Variants in BTK observed in about 807,000 individuals in gnomAD.
The protein encoded by BTK is Bruton tyrosine kinase, also known as tyrosine-protein kinase BTK.
In BTK, 5 loss-of-function variants were observed where a neutral mutation model predicts 57.4. The observed-to-expected ratio is 0.09, with a 90% CI of 0.05 to 0.18. The LOEUF (loss-of-function observed/expected upper bound fraction) is 0.18, where lower values mean the gene tolerates loss of function less well. Among genes scored for constraint, BTK ranks in the 10% least tolerant of loss-of-function variants. BTK has a pLI of 1.00. For missense variants in BTK, 194 were observed against 501.2 expected (o/e 0.39, Z 5.85); for synonymous variants, 154 against 174.3 (o/e 0.88, Z 0.92).
intron 16 of BTK, 68 bp from the exon 17 acceptor site, chrX:101,354,056 A>G (rs782079305): frequency 2.9e-5 from 24 of 827,377 alleles, no homozygotes; most frequent in Non-Finnish European, 4.2e-5. Flanking sequence ...TTTTCTTGGC[A>G]CGGTCACAAG....
At chrX:101,374,700 ATTTTGT>A in intron 2 of BTK, 66 bp from the exon 3 acceptor site, 2 of 956,775 alleles carry the variant, frequency 2.1e-6, no homozygotes, top group Non-Finnish European at 3.0e-6. Context: ...AGATGATTAG[ATTTTGT>A]TATCTAATCA....
intron 5 of BTK, among the ~76,000 whole-genome samples, chrX:101,363,695 G>C (rs1329769242): frequency 9.7e-6 from 1 of 102,854 alleles, no homozygotes; most frequent in Non-Finnish European, 2.0e-5. Context: ...GACAGTGTGA[G>C]ACTCTGTCTC....
chrX:101,355,991 T>A, intron 15 of BTK, 61 bp downstream of exon 15: 1 of 1,097,209 alleles, frequency 9.1e-7, no homozygotes. Context: ...ATGATATATC[T>A]TCCACTGCTA....
At chrX:101,355,636 T>A in intron 15 of BTK, 1 of 153,616 alleles carries the variant, frequency 6.5e-6, no homozygotes, top group Non-Finnish European at 1.3e-5. Flanking sequence ...CTAATTATTA[T>A]ATAACATAAA....
intron 4 of BTK, among the ~76,000 whole-genome samples, chrX:101,371,178 G>C (rs782203633): frequency 3.6e-5 from 4 of 112,211 alleles, no homozygotes; most frequent in Non-Finnish European, 7.5e-5. Flanking sequence ...TGGCACTTCA[G>C]CTCTTCCAGA....
Position 101,349,533 on chromosome X carries a change from G to T in BTK, c.*352C>A. The T allele has an allele frequency of 4.8e-6, 1 of 207,940 alleles. No homozygotes were observed. Among genetic ancestry groups the T allele is most frequent in the Non-Finnish European group, 8.8e-6 (1 of 113,394 alleles). 17.1% of individuals were successfully genotyped at this position (207,940 alleles called of 1,213,427 possible). On this transcript the variant is annotated 3_prime_UTR_variant, in exon 19 of 19. Transcript: ENST00000308731. Reference sequence around the variant, plus strand: ...CACCATTTCATTCTTGCCAAATTCGGTCCACCCCCACACACACACCCCCAA... The same window carrying T: ...CACCATTTCATTCTTGCCAAATTCGTTCCACCCCCACACACACACCCCCAA...
rs781984294 is a variant in BTK, at chrX:101,363,492, G to A, written c.392-803C>T. Among the ~76,000 whole-genome samples, 23 of 110,827 alleles carry A rather than the reference G, an allele frequency of 2.1e-4. No individual in the cohort carries two copies. In the South Asian group the frequency reaches 6.8e-3, roughly 33 times the overall value. On this transcript the variant is annotated intron_variant, in intron 5 of 18. Transcript: ENST00000308731. ...TCCCAGCACTTTGGGAGGCCGAGGTGGGTGGAGCATGAGGTCAGGAGTTCA... is the reference window on the plus strand; with the variant it reads ...TCCCAGCACTTTGGGAGGCCGAGGTAGGTGGAGCATGAGGTCAGGAGTTCA...
At chrX:101,372,132 T>C (rs1927054453) in intron 3 of BTK, among the ~76,000 whole-genome samples, 2 of 112,116 alleles carry the variant, frequency 1.8e-5, no homozygotes, top group South Asian at 3.7e-4. Context: ...CTTTTTCTAA[T>C]ATAAGGATGA....
chrX:101,366,273 CAAAAT>C (rs1435113194), intron 5 of BTK, among the ~76,000 whole-genome samples: 1 of 109,819 alleles, frequency 9.1e-6, no homozygotes, highest in Admixed American at 9.7e-5. Context: ...CTCTCTCTCT[CAAAAT>C]AAAAAAAAAT....
At chrX:101,357,437 C>T in intron 13 of BTK, 72 bp downstream of exon 13, 1 of 1,000,037 alleles carries the variant, frequency 1.0e-6, no homozygotes, top group Non-Finnish European at 1.4e-6. Context: ...AGGACACTCC[C>T]TAAGGCAAGG....
chrX:101,363,954 C>T (rs1257723627), intron 5 of BTK, among the ~76,000 whole-genome samples: 1 of 102,556 alleles, frequency 9.8e-6, no homozygotes, highest in African/African-American at 3.5e-5. Flanking sequence ...TGGGGTCTTC[C>T]TGTGTTTCCC....
chrX:101,389,179 C>T (rs1555982836), upstream of BTK, among the ~76,000 whole-genome samples: 1 of 111,970 alleles, frequency 8.9e-6, no homozygotes, highest in African/African-American at 3.2e-5. Flanking sequence ...ATCAATTTGA[C>T]TGTGGTAATC....
At chrX:101,365,650 T>C (rs1428984382) in intron 5 of BTK, among the ~76,000 whole-genome samples, 2 of 112,674 alleles carry the variant, frequency 1.8e-5, no homozygotes, top group African/African-American at 6.4e-5. Flanking sequence ...TTTATGAGGT[T>C]AATGTCTAAA....
chrX:101,375,953 A>C (rs1927197552), intron 1 of BTK, among the ~76,000 whole-genome samples: 1 of 93,357 alleles, frequency 1.1e-5, no homozygotes, highest in Non-Finnish European at 2.1e-5. Context: ...AGTTGAAAAC[A>C]TAATTTTTTT....
chrX:101,356,012 A>C, intron 15 of BTK, 40 bp downstream of exon 15: 1 of 1,172,103 alleles, frequency 8.5e-7, no homozygotes, highest in South Asian at 1.8e-5. Flanking sequence ...CTTCCACCCC[A>C]TCAGCCCTTT....
chrX:101,364,559 CT>C (rs374184578), intron 5 of BTK, among the ~76,000 whole-genome samples: 22,999 of 100,716 alleles, frequency 0.23, 2,136 homozygotes, highest in African/African-American at 0.28. Flanking sequence ...AACAAAAGTT[CT>C]TTTTTTTTTT....
chrX:101,360,990 C>A (rs1443968739), intron 7 of BTK, among the ~76,000 whole-genome samples: 2 of 111,167 alleles, frequency 1.8e-5, no homozygotes, highest in East Asian at 5.6e-4. Flanking sequence ...CCAAGGCGGG[C>A]GGATCAGTTG....
Position 101,368,836 on chromosome X carries a change from C to A in BTK, c.391+1162G>T, listed in dbSNP as rs3027636. 2.7e-3 allele frequency among the ~76,000 whole-genome samples: 304 copies of A among 112,111 alleles called. 1 individual carries two copies. Among genetic ancestry groups the A allele is most frequent in the African/African-American group, 9.3e-3 (287 of 30,920 alleles). On this transcript the variant is annotated intron_variant, in intron 5 of 18. Transcript: ENST00000308731. Reference sequence around the variant, plus strand: ...AAGACTTGGCTAATATAATTTTGACCAACCAAACTTGCATTCAAGGGAGTG... The same window carrying A: ...AAGACTTGGCTAATATAATTTTGACAAACCAAACTTGCATTCAAGGGAGTG...
At chrX:101,358,743 C>T (rs1926566310) in intron 10 of BTK, 47 bp from the exon 11 acceptor site, 1 of 1,029,944 alleles carries the variant, frequency 9.7e-7, no homozygotes, top group African/African-American at 1.9e-5. Flanking sequence ...GTGGTGCTCA[C>T]ACCTGCATCC....
Sources: allele counts gnomAD v4.1 joint callset (sites outside exome capture counted in the v4.1 genomes callset), GRCh38; gene constraint gnomAD v4.1.1; transcripts MANE v1.5; gene names NCBI Gene and HGNC (gene_info 2026-07-23, HGNC 2026-07-21).